The following SLFN12 variants were observed in gnomAD, a reference collection of about 807,000 sequenced individuals.
SLFN12 encodes ribonuclease SLFN12.
Under a neutral mutation model 29.1 loss-of-function variants are expected in SLFN12, and 25 were observed. The ratio of observed to expected loss-of-function variants is 0.86; its 90% CI spans 0.63 to 1.20. The LOEUF is 1.20. SLFN12 is among the 50% of genes most tolerant of loss of function. SLFN12 has a pLI of 0.00. For missense variants in SLFN12, 660 were observed against 666.2 expected (o/e 0.99, Z 0.10); for synonymous variants, 257 against 238.7 (o/e 1.08, Z -0.71).
chr17:35,424,575 A>C lies in SLFN12; in HGVS notation c.-40-1507T>G, dbSNP rs930147163. Among the ~76,000 whole-genome samples, 11 of 152,166 alleles carry C rather than the reference A, an allele frequency of 7.2e-5. No individual in the cohort carries two copies. The East Asian group carries it at 2.1e-3, about 29-fold the overall frequency. On this transcript the variant is annotated intron_variant, in intron 1 of 3. Transcript: ENST00000304905. ...GAGACAATTGAGAATAAAGTCCATC[A>C]TAGGTAGTAATTGCTATACTAGAAA...
In SLFN12 at chr17:35,411,402, A is replaced by T. The variant is rs1304727395; in HGVS notation, c.1673T>A (p.Ile558Asn). 1 of 1,604,134 alleles carries T rather than the reference A, an allele frequency of 6.2e-7. No homozygotes were observed. The highest frequency in any genetic ancestry group is 2.2e-5 in the East Asian group (1 of 44,832). ...FSFAENLYQI[I>N]GIDCFQKNDK... ...ATTCTTCTGAAAGCAATCTATACCG[A>T]TTATCTGGTATAGATTTTCTGCAAA... The change falls in exon 4 of 4, where the codon ATC (isoleucine) becomes AAC (asparagine). Residue 558 changes from isoleucine (I) to asparagine (N), a missense_variant. By Grantham distance (149) the Ile-to-Asn change is moderately radical (BLOSUM62 -3). Coordinates refer to ENST00000304905, the MANE Select transcript of SLFN12 (RefSeq NM_018042.5).
Position 35,411,785 on chromosome 17 carries a change from C to T in SLFN12, c.1290G>A (p.Val430=). 1 of 1,614,026 alleles carries T rather than the reference C, an allele frequency of 6.2e-7. No homozygotes were observed. Among genetic ancestry groups the T allele is most frequent in the Non-Finnish European group, 8.5e-7 (1 of 1,179,996 alleles). ...TGTGGTTCTCTTGCAAGCCCAGATC[C>T]ACAGACCAGCTCCTAGAGAAGATCA... ...GSLIFSRSWS[V]DLGLQENHKV... The change falls in exon 4 of 4, where the codon GTG becomes GTA. Residue 430 remains valine (V), a synonymous_variant. Transcript: ENST00000304905.
In SLFN12 at chr17:35,423,071, G is replaced by T. The variant is rs368038274; in HGVS notation, c.-40-3C>A. The T allele has an allele frequency of 1.0e-5, 16 of 1,556,476 alleles. No homozygotes were observed. Among genetic ancestry groups the T allele is most frequent in the Non-Finnish European group, 1.3e-5 (15 of 1,155,600 alleles). Reference sequence around the variant, plus strand: ...AGTGTCCAAGCAGAAATTCTTTTCTGTAAAATAGACAGAGCCATTAGAATA... The same window carrying T: ...AGTGTCCAAGCAGAAATTCTTTTCTTTAAAATAGACAGAGCCATTAGAATA... On this transcript the variant is annotated splice_region_variant and splice_polypyrimidine_tract_variant and intron_variant, in intron 1 of 3. Coordinates refer to ENST00000304905, the MANE Select transcript of SLFN12 (RefSeq NM_018042.5).
At chr17:35,426,971 G>T (rs1427633641) in intron 1 of SLFN12, among the ~76,000 whole-genome samples, 2 of 152,078 alleles carry the variant, frequency 1.3e-5, no homozygotes, top group African/African-American at 2.4e-5. Context: ...ACATCTGGGG[G>T]TCTATAGTCT....
chr17:35,423,804 G>A (rs1911844153), intron 1 of SLFN12, among the ~76,000 whole-genome samples: 1 of 152,068 alleles, frequency 6.6e-6, no homozygotes, highest in African/African-American at 2.4e-5. Flanking sequence ...TGAGGGTGAA[G>A]CCCTCATGAA....
chr17:35,417,606 A>C (rs1305490238), intron 3 of SLFN12, among the ~76,000 whole-genome samples: 1 of 152,172 alleles, frequency 6.6e-6, no homozygotes, highest in East Asian at 1.9e-4. Context: ...ATTTGCATTA[A>C]GAATTGTCTA....
At chr17:35,413,731 A>G (rs928684296) in intron 3 of SLFN12, among the ~76,000 whole-genome samples, 1 of 150,868 alleles carries the variant, frequency 6.6e-6, no homozygotes, top group Non-Finnish European at 1.5e-5. Flanking sequence ...CCTGGGTAAC[A>G]AGAGTGAAAC....
intron 1 of SLFN12, among the ~76,000 whole-genome samples, chr17:35,429,334 A>G (rs1348144188): frequency 6.6e-6 from 1 of 152,076 alleles, no homozygotes; most frequent in Non-Finnish European, 1.5e-5. Context: ...ACCCCAGTCC[A>G]ACATCTGCAG....
At position 35,411,292 on chromosome 17, in the gene SLFN12, T is replaced by G; in HGVS notation, c.*46A>C. ...ATTTTCACAGAATTAGAGAATGTTA[T>G]CAAATATATAATGAAAAATATCTCA... On this transcript the variant is annotated 3_prime_UTR_variant, in exon 4 of 4. Coordinates refer to ENST00000304905, the MANE Select transcript of SLFN12 (RefSeq NM_018042.5). 1 of 1,285,686 alleles carries G rather than the reference T, an allele frequency of 7.8e-7. No individual in the cohort carries two copies. Among genetic ancestry groups the G allele is most frequent in the Non-Finnish European group, 1.1e-6 (1 of 942,668 alleles). 79.6% of individuals were successfully genotyped at this position (1,285,686 alleles called of 1,614,324 possible).
At chr17:35,428,657 C>CA (rs1912142704) in intron 1 of SLFN12, among the ~76,000 whole-genome samples, 2 of 151,782 alleles carry the variant, frequency 1.3e-5, no homozygotes, top group East Asian at 1.9e-4. Flanking sequence ...AGGGAGATTC[C>CA]AAAAAAAGAG....
At chr17:35,412,682 T>C (rs1216553846) in intron 3 of SLFN12, among the ~76,000 whole-genome samples, 1 of 152,080 alleles carries the variant, frequency 6.6e-6, no homozygotes, top group Non-Finnish European at 1.5e-5. Flanking sequence ...CTACAATTTG[T>C]AATCCATGAT....
chr17:35,421,556 T>C (rs1911649342), intron 2 of SLFN12, among the ~76,000 whole-genome samples: 1 of 146,612 alleles, frequency 6.8e-6, no homozygotes. Flanking sequence ...TTTTTTTTTT[T>C]TGAGATGGAG....
chr17:35,418,898 C>T (rs901376073), intron 3 of SLFN12, among the ~76,000 whole-genome samples: 1 of 152,054 alleles, frequency 6.6e-6, no homozygotes, highest in Non-Finnish European at 1.5e-5. Context: ...GACAAGGTCT[C>T]ACGCTGTTGC....
At chr17:35,415,403 T>C (rs149717012) in intron 3 of SLFN12, among the ~76,000 whole-genome samples, 3,529 of 152,122 alleles carry the variant, frequency 0.023, 124 homozygotes, top group African/African-American at 0.079. Flanking sequence ...CCTGAAACCA[T>C]AAAAATTCTA....
intron 1 of SLFN12, among the ~76,000 whole-genome samples, chr17:35,426,413 A>G (rs1912024634): frequency 6.6e-6 from 1 of 152,022 alleles, no homozygotes; most frequent in African/African-American, 2.4e-5. Flanking sequence ...TTCTTCTAGT[A>G]GTTTTATAAT....
intron 1 of SLFN12, among the ~76,000 whole-genome samples, chr17:35,426,863 C>T (rs571436834): frequency 6.6e-6 from 1 of 152,252 alleles, no homozygotes; most frequent in South Asian, 2.1e-4. Flanking sequence ...TACATGCCTG[C>T]TTTTGAATGT....
At chr17:35,415,942 G>A (rs1597766149) in intron 3 of SLFN12, among the ~76,000 whole-genome samples, 2 of 152,154 alleles carry the variant, frequency 1.3e-5, no homozygotes, top group Non-Finnish European at 2.9e-5. Flanking sequence ...GTGGAAAAAT[G>A]TGTGGAGATT....
At chr17:35,421,520 C>T (rs1008133873) in intron 2 of SLFN12, among the ~76,000 whole-genome samples, 2 of 144,690 alleles carry the variant, frequency 1.4e-5, no homozygotes, top group Admixed American at 1.4e-4. Flanking sequence ...TAGAAGAAAA[C>T]AAGAGGCAGG....
chr17:35,426,336 T>A (rs957474094), intron 1 of SLFN12, among the ~76,000 whole-genome samples: 3 of 152,138 alleles, frequency 2.0e-5, no homozygotes, highest in African/African-American at 7.2e-5. Context: ...TCATTGCCTG[T>A]CCGCCATTGG....
Sources: allele counts gnomAD v4.1 joint callset (sites outside exome capture counted in the v4.1 genomes callset), GRCh38; gene constraint gnomAD v4.1.1; transcripts MANE v1.5; gene names NCBI Gene and HGNC (gene_info 2026-07-23, HGNC 2026-07-21).